The following RTN4IP1 variants were observed in gnomAD, a reference collection of about 807,000 sequenced individuals.
RTN4IP1 encodes NAD(P)H oxidoreductase RTN4IP1, mitochondrial.
In RTN4IP1, 32 loss-of-function variants were observed where a neutral mutation model predicts 46.6. The ratio of observed to expected loss-of-function variants is 0.69; its 90% CI spans 0.52 to 0.92. RTN4IP1 has a LOEUF of 0.92. Among genes scored for constraint, RTN4IP1 ranks in the 40% least tolerant of loss-of-function variants. The pLI is 0.00. For synonymous variants in RTN4IP1, 167 were observed against 161.8 expected, an observed-to-expected ratio of 1.03 and a Z score of -0.24; for missense variants, 424 against 485.8, an observed-to-expected ratio of 0.87 and a Z score of 1.20.
chr6:106,627,030 G>C (rs925079764), intron 1 of RTN4IP1, among the ~76,000 whole-genome samples: 7 of 151,950 alleles, frequency 4.6e-5, no homozygotes, highest in African/African-American at 1.7e-4. Flanking sequence ...TTCTTGCCAA[G>C]GGAAATAACT....
At chr6:106,604,576 G>A (rs914574739) in intron 4 of RTN4IP1, among the ~76,000 whole-genome samples, 2 of 152,156 alleles carry the variant, frequency 1.3e-5, no homozygotes, top group African/African-American at 4.8e-5. Context: ...CCCTCAGAAG[G>A]AATGCTATTT....
At chr6:106,577,706 T>C (rs1177670342) in intron 8 of RTN4IP1, among the ~76,000 whole-genome samples, 2 of 152,156 alleles carry the variant, frequency 1.3e-5, no homozygotes, top group African/African-American at 4.8e-5. Context: ...GCAGAGATTA[T>C]CCTGGATTAT....
chr6:106,617,649 A>G (rs1776387418), intron 4 of RTN4IP1, among the ~76,000 whole-genome samples: 1 of 152,156 alleles, frequency 6.6e-6, no homozygotes, highest in South Asian at 2.1e-4. Flanking sequence ...CCAACAACAA[A>G]CTGAGGACTC....
At chr6:106,588,293 T>G (rs1267137521) in intron 6 of RTN4IP1, among the ~76,000 whole-genome samples, 2 of 152,202 alleles carry the variant, frequency 1.3e-5, no homozygotes, top group Non-Finnish European at 2.9e-5. Context: ...TGTAAAAAAC[T>G]GCAAAGCTTT....
intron 4 of RTN4IP1, among the ~76,000 whole-genome samples, chr6:106,611,551 T>C (rs980659747): frequency 5.3e-5 from 8 of 152,194 alleles, no homozygotes. Context: ...CTACTTTTTT[T>C]CTCAGCCTTG....
intron 3 of RTN4IP1, among the ~76,000 whole-genome samples, chr6:106,619,872 A>G (rs1033083554): frequency 6.6e-6 from 1 of 151,880 alleles, no homozygotes; most frequent in Non-Finnish European, 1.5e-5. Flanking sequence ...CGGCCTCCCA[A>G]AGTGCTGGGA....
intron 4 of RTN4IP1, among the ~76,000 whole-genome samples, chr6:106,618,694 G>C (rs904667283): frequency 1.4e-4 from 21 of 152,160 alleles, no homozygotes; most frequent in African/African-American, 4.8e-4. Flanking sequence ...AATCAGAATT[G>C]ACCTAATGGA....
rs9480691 is a variant in RTN4IP1 at position 106,590,000 on chromosome 6, G to A, written c.807-2138C>T. On this transcript the variant is annotated intron_variant, in intron 6 of 8. Coordinates refer to ENST00000369063, the MANE Select transcript of RTN4IP1 (RefSeq NM_032730.5). ...CGTCTGTCAAGTTCTCCTACTCTCT[G>A]GTGACAAATTCCAGACATGTATAAA... Among the ~76,000 whole-genome samples the A allele has an allele frequency of 2.1e-3, 315 of 152,236 alleles. 1 individual carries two copies. The highest frequency in any genetic ancestry group is 7.0e-3 in the African/African-American group (292 of 41,540).
At chr6:106,608,711 C>A (rs1776147039) in intron 4 of RTN4IP1, among the ~76,000 whole-genome samples, 1 of 152,158 alleles carries the variant, frequency 6.6e-6, no homozygotes, top group South Asian at 2.1e-4. Context: ...AGTTATAGAA[C>A]CTTCAGAGGG....
intron 2 of RTN4IP1, 84 bp downstream of exon 2, chr6:106,622,734 G>C: frequency 1.4e-6 from 2 of 1,393,330 alleles, no homozygotes; most frequent in African/African-American, 2.9e-5. Flanking sequence ...CAAAGTATCT[G>C]TGTCAGTGTG....
chr6:106,622,530 G>C (rs186691642), intron 2 of RTN4IP1, among the ~76,000 whole-genome samples: 1 of 152,160 alleles, frequency 6.6e-6, no homozygotes, highest in African/African-American at 2.4e-5. Context: ...ACCAATCTTT[G>C]ATCTTTCATG....
chr6:106,587,659 A>C lies in RTN4IP1; in HGVS notation c.990+20T>G. On this transcript the variant is annotated intron_variant, in intron 7 of 8. Transcript: ENST00000369063. ...AGCAGGAGGCTGCCTGCAGTCACCA[A>C]CCAAGACCCTTCTTCCTACCTTTAA... The C allele has an allele frequency of 6.3e-7, 1 of 1,597,992 alleles. No individual in the cohort carries two copies. The highest frequency in any genetic ancestry group is 8.5e-7 in the Non-Finnish European group (1 of 1,169,728).
At chr6:106,610,876 C>T (rs938322691) in intron 4 of RTN4IP1, among the ~76,000 whole-genome samples, 7 of 151,850 alleles carry the variant, frequency 4.6e-5, no homozygotes, top group African/African-American at 1.7e-4. Context: ...GTCCTTTTTG[C>T]CTAATCTCTG....
chr6:106,600,146 G>A (rs1038470552), intron 5 of RTN4IP1, among the ~76,000 whole-genome samples: 1 of 152,024 alleles, frequency 6.6e-6, no homozygotes, highest in East Asian at 1.9e-4. Flanking sequence ...GCACCATCTG[G>A]GTTCTCAAAA....
intron 3 of RTN4IP1, among the ~76,000 whole-genome samples, chr6:106,619,727 T>C (rs890984388): frequency 2.3e-4 from 33 of 146,372 alleles, no homozygotes; most frequent in Admixed American, 1.4e-3. Context: ...TTCTCCTGCC[T>C]CAGCCTCCTG....
intron 8 of RTN4IP1, among the ~76,000 whole-genome samples, chr6:106,576,395 A>G (rs1222963911): frequency 1.3e-5 from 2 of 152,210 alleles, no homozygotes; most frequent in African/African-American, 2.4e-5. Flanking sequence ...ATTTCCTCAT[A>G]GAAACAATTT....
chr6:106,615,951 GCT>G (rs1399859649), intron 4 of RTN4IP1, among the ~76,000 whole-genome samples: 1 of 151,592 alleles, frequency 6.6e-6, no homozygotes, highest in Non-Finnish European at 1.5e-5. Flanking sequence ...ATGGAGTCTT[GCT>G]CTGTCACCAG....
At chr6:106,592,719 T>C (rs924547818) in intron 5 of RTN4IP1, among the ~76,000 whole-genome samples, 8 of 151,732 alleles carry the variant, frequency 5.3e-5, no homozygotes, top group Non-Finnish European at 8.8e-5. Context: ...AGGTCAGGAG[T>C]TCGAGACCAG....
intron 5 of RTN4IP1, among the ~76,000 whole-genome samples, chr6:106,597,834 A>C (rs888247745): frequency 2.0e-5 from 3 of 151,750 alleles, no homozygotes; most frequent in African/African-American, 7.3e-5. Context: ...TCCCAACGCT[A>C]TCCCTCCCCG....
Sources: allele counts gnomAD v4.1 joint callset (sites outside exome capture counted in the v4.1 genomes callset), GRCh38; gene constraint gnomAD v4.1.1; transcripts MANE v1.5; gene names NCBI Gene and HGNC (gene_info 2026-07-23, HGNC 2026-07-21).